The following SELENOI variants were observed in gnomAD, a reference collection of about 807,000 sequenced individuals.
SELENOI encodes the protein ethanolaminephosphotransferase 1.
SELENOI carries 24 observed loss-of-function variants against 50.7 expected under a neutral mutation model. That is an observed-to-expected ratio of 0.47 (90% CI 0.34 to 0.67). The LOEUF (loss-of-function observed/expected upper bound fraction) is 0.67. SELENOI is among the 30% of genes least tolerant of loss of function. The pLI is 0.01. For missense variants in SELENOI, 352 were observed against 461.4 expected (o/e 0.76, Z 2.17); for synonymous variants, 155 against 170.2 (o/e 0.91, Z 0.70).
intron 6 of SELENOI, among the ~76,000 whole-genome samples, chr2:26,378,417 C>T (rs753053047): frequency 1.3e-4 from 20 of 152,184 alleles, no homozygotes; most frequent in Non-Finnish European, 2.8e-4. Flanking sequence ...GTGGGGTCTC[C>T]GATTTGCTTG....
At chr2:26,352,498 T>C (rs1418159457) in intron 1 of SELENOI, among the ~76,000 whole-genome samples, 4 of 151,972 alleles carry the variant, frequency 2.6e-5, no homozygotes, top group African/African-American at 9.7e-5. Flanking sequence ...AAAATTAGTA[T>C]CTCTAGCCGG....
chr2:26,361,590 G>C, intron 1 of SELENOI, among the ~76,000 whole-genome samples: 1 of 152,104 alleles, frequency 6.6e-6, no homozygotes, highest in East Asian at 1.9e-4. Context: ...CTGCTGAGAG[G>C]CTGGATGCAG....
intron 6 of SELENOI, among the ~76,000 whole-genome samples, chr2:26,381,992 A>G (rs755658392): frequency 8.5e-5 from 13 of 152,234 alleles, no homozygotes; most frequent in Non-Finnish European, 1.6e-4. Context: ...TGAAGTGCCC[A>G]GCAGCTTGCC....
intron 1 of SELENOI, among the ~76,000 whole-genome samples, chr2:26,354,495 T>C (rs909394958): frequency 6.6e-6 from 1 of 152,150 alleles, no homozygotes; most frequent in Non-Finnish European, 1.5e-5. Context: ...CACGCTATTC[T>C]CCTTCTTCAG....
intron 4 of SELENOI, among the ~76,000 whole-genome samples, chr2:26,371,680 G>A (rs925890174): frequency 6.6e-6 from 1 of 152,218 alleles, no homozygotes; most frequent in African/African-American, 2.4e-5. Flanking sequence ...CCAACACAGC[G>A]AAACCCCGTC....
At chr2:26,370,923 G>C (rs1272119444) in intron 4 of SELENOI, among the ~76,000 whole-genome samples, 1 of 93,596 alleles carries the variant, frequency 1.1e-5, no homozygotes, top group Non-Finnish European at 2.5e-5. Context: ...CTGGCCGGGC[G>C]GGGGGCTGAC....
At chr2:26,377,827 G>C (rs78984480) in intron 6 of SELENOI, among the ~76,000 whole-genome samples, 3,853 of 151,758 alleles carry the variant, frequency 0.025, 128 homozygotes, top group African/African-American at 0.08. Flanking sequence ...GTCATTTTCT[G>C]TTGACTGCTT....
rs746052238 is a variant in SELENOI at position 26,364,896 on chromosome 2, A to G, written c.191A>G (p.Asn64Ser). The stretch of plus-strand genomic sequence containing the variant: ...TCTGGCTTTCTGCTGGTCGTATTCA[A>G]TTTTCTGCTAATGGCATACTTTGAT... ...TFSGFLLVVF[N>S]FLLMAYFDPD... Residue 64 changes from asparagine to serine, a missense_variant, in exon 3 of 10, where the codon AAT becomes AGT. Physicochemically the swap from Asn to Ser is conservative, Grantham distance 46. Transcript: ENST00000260585. 1.6e-5 allele frequency: 25 copies of G among 1,610,448 alleles called. No individual in the cohort carries two copies. In the African/African-American group the frequency reaches 2.3e-4, roughly 15 times the overall value.
chr2:26,388,735 A>G (rs2147964760), intron 9 of SELENOI, among the ~76,000 whole-genome samples: 1 of 152,322 alleles, frequency 6.6e-6, no homozygotes, highest in Middle Eastern at 3.4e-3. Context: ...CTAATCCTAT[A>G]GTTTTTCAGA....
At chr2:26,365,463 A>G (rs1677267930) in intron 3 of SELENOI, among the ~76,000 whole-genome samples, 1 of 152,070 alleles carries the variant, frequency 6.6e-6, no homozygotes, top group South Asian at 2.1e-4. Context: ...CTTCTCTCTC[A>G]CTCATTTTAT....
chr2:26,346,378 G>A, intron 1 of SELENOI, 89 bp downstream of exon 1: 10 of 1,411,690 alleles, frequency 7.1e-6, no homozygotes, highest in Non-Finnish European at 9.3e-6. Flanking sequence ...GTGTCACCTT[G>A]TGCCGCGTGG....
At chr2:26,349,670 G>GTGT (rs1553335033) in intron 1 of SELENOI, among the ~76,000 whole-genome samples, 4 of 115,166 alleles carry the variant, frequency 3.5e-5, no homozygotes, top group African/African-American at 1.3e-4. Flanking sequence ...CTGCAAGTTG[G>GTGT]TTTTTTTTTT....
intron 6 of SELENOI, among the ~76,000 whole-genome samples, chr2:26,381,658 G>A (rs184809475): frequency 7.9e-5 from 12 of 152,230 alleles, no homozygotes; most frequent in African/African-American, 2.4e-4. Flanking sequence ...AGCTTGACGT[G>A]GAGTAAGCTG....
At chr2:26,369,142 G>A (rs2147952351) in intron 4 of SELENOI, among the ~76,000 whole-genome samples, 1 of 152,318 alleles carries the variant, frequency 6.6e-6, no homozygotes, top group South Asian at 2.1e-4. Context: ...GTCTCTAACA[G>A]GCTCTTCTGT....
At position 26,365,246 on chromosome 2, in the gene SELENOI, G is replaced by GA. The variant is rs1677261974; in HGVS notation, c.235+311dup. On this transcript the variant is annotated intron_variant, in intron 3 of 9. Transcript: ENST00000260585. The stretch of plus-strand genomic sequence containing the variant: ...CCCTTCTCCTTTTCTAGTCATGAAA[G>GA]AAAAATCCCCTTTCTTCTGAAGGAC... 2.0e-5 allele frequency among the ~76,000 whole-genome samples: 3 copies of GA among 152,272 alleles called. No homozygotes were observed. In the South Asian group the frequency reaches 6.2e-4, roughly 32 times the overall value.
At position 26,364,945 on chromosome 2, in the gene SELENOI, GAA is replaced by G. The variant is rs756093272; in HGVS notation, c.235+6_235+7del. ...ATCCTGACTTTTATGCCTCAGGTAAGAATATTACTTTATTATAAAATTTAACT... is the reference window on the plus strand; with the variant it reads ...ATCCTGACTTTTATGCCTCAGGTAAGTATTACTTTATTATAAAATTTAACT... On this transcript the variant is annotated splice_donor_region_variant and intron_variant, in intron 3 of 9. Coordinates refer to ENST00000260585, the MANE Select transcript of SELENOI (RefSeq NM_033505.4). The G allele has an allele frequency of 1.1e-4, 165 of 1,538,102 alleles. No homozygotes were observed. In the African/African-American group the frequency reaches 1.9e-3, roughly 17 times the overall value.
At chr2:26,347,393 G>T (rs1257566156) in intron 1 of SELENOI, among the ~76,000 whole-genome samples, 1 of 150,380 alleles carries the variant, frequency 6.6e-6, no homozygotes, top group Non-Finnish European at 1.5e-5. Context: ...TGGAATGAAT[G>T]AATAACTGAA....
rs763317983 is a variant in SELENOI at position 26,359,104 on chromosome 2, T to C, written c.58-5198T>C. Among the ~76,000 whole-genome samples, 270 of 152,300 alleles carry C rather than the reference T, an allele frequency of 1.8e-3. 3 individuals are homozygous for C. The highest frequency in any genetic ancestry group is 6.8e-4 in the Non-Finnish European group (46 of 68,028). On this transcript the variant is annotated intron_variant, in intron 1 of 9. Transcript: ENST00000260585. ...GCCAGCCCCATTTGCTTACATATTT[T>C]CTGTGACTGCTTTCCTGTTCCAAGT...
chr2:26,359,457 A>G (rs1430627878), intron 1 of SELENOI, among the ~76,000 whole-genome samples: 9 of 152,170 alleles, frequency 5.9e-5, no homozygotes, highest in Non-Finnish European at 8.8e-5. Context: ...AGCCTGACCA[A>G]CATGGTGAAA....
Sources: allele counts gnomAD v4.1 joint callset (sites outside exome capture counted in the v4.1 genomes callset), GRCh38; gene constraint gnomAD v4.1.1; transcripts MANE v1.5; gene names NCBI Gene and HGNC (gene_info 2026-07-23, HGNC 2026-07-21).